The following DNAJC21 variants were observed in gnomAD, a reference collection of about 807,000 sequenced individuals.
The protein encoded by DNAJC21 is DnaJ heat shock protein family (Hsp40) member C21.
A neutral mutation model predicts 72.4 loss-of-function variants in DNAJC21; 63 were observed. The observed-to-expected ratio is 0.87, with a 90% CI of 0.71 to 1.07. The LOEUF (loss-of-function observed/expected upper bound fraction) is 1.07, where lower values mean the gene tolerates loss of function less well. DNAJC21 is among the 50% of genes least tolerant of loss of function. The probability of loss-of-function intolerance (pLI) is 0.00; values close to 1 mark genes in which losing one functional copy is unlikely to be tolerated. For missense variants in DNAJC21, 634 were observed against 644.8 expected (o/e 0.98, Z 0.18); for synonymous variants, 203 against 216.7 (o/e 0.94, Z 0.56).
chr5:34,933,809 T>A lies in DNAJC21; in HGVS notation c.98-6T>A. The A allele has an allele frequency of 6.2e-7, 1 of 1,612,462 alleles. No homozygotes were observed. Among genetic ancestry groups the A allele is most frequent in the Non-Finnish European group, 8.5e-7 (1 of 1,179,224 alleles). On this transcript the variant is annotated splice_region_variant and splice_polypyrimidine_tract_variant and intron_variant, in intron 1 of 11. Coordinates refer to ENST00000648817, the MANE Select transcript of DNAJC21 (RefSeq NM_001012339.3). ...TGATTGACTTAAATTTCTGTGACTT[T>A]AACAGATAAAAATCTGGATAATGCC...
chr5:34,939,802 A>G (rs531942897), intron 6 of DNAJC21, among the ~76,000 whole-genome samples: 1 of 152,224 alleles, frequency 6.6e-6, no homozygotes, highest in South Asian at 2.1e-4. Context: ...ATTTTTGAGA[A>G]TAGCTGTATA....
intron 4 of DNAJC21, among the ~76,000 whole-genome samples, chr5:34,937,125 A>G (rs1472726477): frequency 6.6e-6 from 1 of 152,088 alleles, no homozygotes; most frequent in Non-Finnish European, 1.5e-5. Context: ...TAGTAAGGCT[A>G]TTTTTATTTT....
At chr5:34,939,435 T>C (rs1452412711) in intron 6 of DNAJC21, among the ~76,000 whole-genome samples, 7 of 150,458 alleles carry the variant, frequency 4.7e-5, no homozygotes, top group Non-Finnish European at 4.4e-5. Context: ...CCGGCTAATT[T>C]TTTGTATTTT....
At chr5:34,933,291 T>TTTATG (rs1764661283) in intron 1 of DNAJC21, among the ~76,000 whole-genome samples, 1 of 152,184 alleles carries the variant, frequency 6.6e-6, no homozygotes, top group Admixed American at 6.5e-5. Flanking sequence ...TTTATTTTAT[T>TTTATG]TTATTCATTT....
chr5:34,954,873 AT>A lies in DNAJC21; in HGVS notation c.*164del. On this transcript the variant is annotated 3_prime_UTR_variant, in exon 12 of 12. Coordinates refer to ENST00000648817, the MANE Select transcript of DNAJC21 (RefSeq NM_001012339.3). ...AAAACACTTTTTTGGTTTAATATAT[AT>A]TTTTAAAACATTTCACTAGTGATTG... 1.2e-6 allele frequency: 1 copy of A among 869,202 alleles called. No individual in the cohort carries two copies. Among genetic ancestry groups the A allele is most frequent in the Non-Finnish European group, 1.6e-6 (1 of 615,660 alleles). 53.8% of individuals were successfully genotyped at this position (869,202 alleles called of 1,614,324 possible). A position where few individuals can be genotyped will look rare whatever the true frequency, so the allele number is the denominator to read the frequency against.
chr5:34,950,140 T>C, intron 9 of DNAJC21, 30 bp from the exon 10 acceptor site: 1 of 1,567,096 alleles, frequency 6.4e-7, no homozygotes, highest in Non-Finnish European at 8.6e-7. Flanking sequence ...TATATTTATT[T>C]TGTAACGGCA....
rs1375470805 is a variant in DNAJC21 at position 34,937,625 on chromosome 5, G to A, written c.738G>A (p.Gln246=). The change falls in exon 5 of 12, where the codon CAG becomes CAA. Residue 246 remains glutamine (Q), a synonymous_variant. Transcript: ENST00000648817. ...TGAGGCGGCAGCAGAAGCTAAAGCA[G>A]GCCAAGTGCGTAGCGTGCGTGGGGC... ...EEMRRQQKLK[Q]AKLVEQYREQ... 2 of 1,611,280 alleles carry A rather than the reference G, an allele frequency of 1.2e-6. No homozygotes were observed. Among genetic ancestry groups the A allele is most frequent in the South Asian group, 2.2e-5 (2 of 90,858 alleles).
At chr5:34,948,170 G>A (rs1477749560) in intron 9 of DNAJC21, among the ~76,000 whole-genome samples, 2 of 152,206 alleles carry the variant, frequency 1.3e-5, no homozygotes, top group African/African-American at 2.4e-5. Context: ...GGATTGAAGT[G>A]GAGATGTTGG....
At position 34,950,211 on chromosome 5, in the gene DNAJC21, A is replaced by G. The variant is rs1765316122; in HGVS notation, c.1227A>G (p.Gly409=). The G allele has an allele frequency of 6.2e-7, 1 of 1,613,214 alleles. No individual in the cohort carries two copies. The highest frequency in any genetic ancestry group is 8.5e-7 in the Non-Finnish European group (1 of 1,179,766). ...TCAATGTAAATGGACCTGGAGAAGG[A>G]GTAAAGGTTGATCCAGAAGATACTA... is the stretch of plus-strand genomic sequence containing the variant. ...DNFNVNGPGE[G]VKVDPEDTNL... Residue 409 remains glycine (G), a synonymous_variant, in exon 10 of 12, where the codon GGA becomes GGG. Transcript: ENST00000648817.
At chr5:34,948,410 A>C (rs1371072743) in intron 9 of DNAJC21, among the ~76,000 whole-genome samples, 2 of 152,206 alleles carry the variant, frequency 1.3e-5, no homozygotes, top group African/African-American at 4.8e-5. Context: ...GAAACTAAGG[A>C]AGTGCTCAAA....
chr5:34,936,350 A>C, intron 4 of DNAJC21, 84 bp downstream of exon 4: 7 of 1,497,588 alleles, frequency 4.7e-6, no homozygotes, highest in South Asian at 3.8e-5. Context: ...AGATGGTCTC[A>C]CTCTGTCACC....
chr5:34,937,534 G>A lies in DNAJC21; in HGVS notation c.647G>A (p.Arg216Lys). Residue 216 changes from arginine to lysine, a missense_variant, in exon 5 of 12, where the codon AGA (arginine) becomes AAA (lysine). Physicochemically the swap from Arg to Lys is conservative, Grantham distance 26. Coordinates refer to ENST00000648817, the MANE Select transcript of DNAJC21 (RefSeq NM_001012339.3). ...GCTTTCATTCGTAAAAGAGATAAAA[G>A]AGTGCAGGCGCATCGAAAACTTGTG... ...LVAFIRKRDK[R>K]VQAHRKLVEE... 6.2e-7 allele frequency: 1 copy of A among 1,614,060 alleles called. No individual in the cohort carries two copies.
intron 11 of DNAJC21, 95 bp downstream of exon 11, chr5:34,954,096 C>T: frequency 9.2e-7 from 1 of 1,081,534 alleles, no homozygotes; most frequent in Non-Finnish European, 1.3e-6. Context: ...GTGAGCCATT[C>T]CGCAAAGAGC....
chr5:34,942,929 G>A (rs1392492183), intron 7 of DNAJC21, among the ~76,000 whole-genome samples: 3 of 152,260 alleles, frequency 2.0e-5, no homozygotes, highest in African/African-American at 2.4e-5. Context: ...TTAGCTGGGC[G>A]TGGTGACGCA....
At chr5:34,935,401 T>C (rs1233536182) in intron 2 of DNAJC21, among the ~76,000 whole-genome samples, 3 of 152,180 alleles carry the variant, frequency 2.0e-5, no homozygotes, top group Non-Finnish European at 4.4e-5. Flanking sequence ...ATGTCCTGTT[T>C]TATGTTTCTT....
chr5:34,950,707 C>G, intron 10 of DNAJC21: 1 of 994,218 alleles, frequency 1.0e-6, no homozygotes, highest in Non-Finnish European at 1.2e-6. Flanking sequence ...CTAAGCAAAT[C>G]TCCATGCTCA....
At chr5:34,933,697 T>G in intron 1 of DNAJC21, 118 bp from the exon 2 acceptor site, 2 of 661,682 alleles carry the variant, frequency 3.0e-6, no homozygotes, top group East Asian at 2.9e-5. Context: ...TGCTTGGCCC[T>G]GGTTGTTTCT....
At position 34,957,580 on chromosome 5, in the gene DNAJC21, GACTTATAA is replaced by G. The variant is rs1765572436; in HGVS notation, c.*2868_*2875del. 1 of 152,090 alleles carries G rather than the reference GACTTATAA, an allele frequency of 6.6e-6. No individual in the cohort carries two copies. The highest frequency in any genetic ancestry group is 1.5e-5 in the Non-Finnish European group (1 of 68,016). 9.4% of individuals were successfully genotyped at this position (152,090 alleles called of 1,614,324 possible). A position where few individuals can be genotyped will look rare whatever the true frequency, so the allele number is the denominator to read the frequency against. ...TATTGGAATTTTGGTACCATGAGAA[GACTTATAA>G]AGGATTTCATCAGAAGTTTTCATTT... On this transcript the variant is annotated 3_prime_UTR_variant, in exon 12 of 12. Coordinates refer to ENST00000648817, the MANE Select transcript of DNAJC21 (RefSeq NM_001012339.3).
chr5:34,933,981 T>C, intron 2 of DNAJC21, 73 bp downstream of exon 2: 1 of 1,391,188 alleles, frequency 7.2e-7, no homozygotes, highest in Non-Finnish European at 9.9e-7. Context: ...TGGTTGTTTT[T>C]TCAAATTTAG....
Sources: gnomAD v4.1 joint callset for allele counts (sites outside exome capture counted in the v4.1 genomes callset) on GRCh38, gnomAD v4.1.1 for gene constraint, MANE v1.5 for transcripts, NCBI Gene and HGNC (gene_info 2026-07-23, HGNC 2026-07-21) for gene names.